Variants in BRDT observed in about 807,000 individuals in gnomAD.
BRDT encodes bromodomain testis-specific protein.
A neutral mutation model predicts 113.9 loss-of-function variants in BRDT; 77 were observed. The ratio of observed to expected loss-of-function variants is 0.68; its 90% CI spans 0.56 to 0.82. BRDT has a LOEUF of 0.82. Among genes scored for constraint, BRDT ranks in the 40% least tolerant of loss-of-function variants. BRDT has a pLI of 0.00. For synonymous variants in BRDT, 358 were observed against 366.5 expected, an observed-to-expected ratio of 0.98 and a Z score of 0.26; for missense variants, 1,027 against 1,105.4, an observed-to-expected ratio of 0.93 and a Z score of 1.01.
chr1:91,993,960 AAAT>A, intron 14 of BRDT, 120 bp from the exon 15 acceptor site: 1 of 814,690 alleles, frequency 1.2e-6, no homozygotes, highest in East Asian at 3.0e-5. Context: ...TGTGTGACTT[AAAT>A]AATAAGGTAT....
At chr1:91,994,305 C>CTA in intron 15 of BRDT, 51 bp downstream of exon 15, 1 of 1,378,416 alleles carries the variant, frequency 7.3e-7, no homozygotes, top group Non-Finnish European at 9.9e-7. Flanking sequence ...ACTTCTAAAC[C>CTA]TATACATATA....
At chr1:91,969,973 C>T (rs752892371) in intron 4 of BRDT, among the ~76,000 whole-genome samples, 5 of 151,688 alleles carry the variant, frequency 3.3e-5, no homozygotes, top group African/African-American at 7.3e-5. Context: ...GGATTACAGG[C>T]GCATGCCACC....
intron 8 of BRDT, among the ~76,000 whole-genome samples, chr1:91,980,150 T>C (rs973690731): frequency 6.6e-6 from 1 of 152,184 alleles, no homozygotes; most frequent in Non-Finnish European, 1.5e-5. Flanking sequence ...CTCACGCCTG[T>C]AACCCCAACA....
In BRDT at chr1:91,962,961, A is replaced by C. The variant is rs201337329; in HGVS notation, c.192+15A>C. 37 of 1,511,018 alleles carry C rather than the reference A, an allele frequency of 2.4e-5. No individual in the cohort carries two copies. Among genetic ancestry groups the C allele is most frequent in the Non-Finnish European group, 2.9e-5 (33 of 1,129,260 alleles). 93.6% of individuals were successfully genotyped at this position (1,511,018 alleles called of 1,614,324 possible). A position where few individuals can be genotyped will look rare whatever the true frequency, so the allele number is the denominator to read the frequency against. On this transcript the variant is annotated intron_variant, in intron 2 of 18. Transcript: ENST00000399546. Reference sequence around the variant, plus strand: ...TACAGTTGCCTGTATGTATGTCTTCAACTATGTTAGTTTCAAAAAAAGAAA... The same window carrying C: ...TACAGTTGCCTGTATGTATGTCTTCCACTATGTTAGTTTCAAAAAAAGAAA...
At position 91,980,899 on chromosome 1, in the gene BRDT, AAAAGG is replaced by A; in HGVS notation, c.1475_1479del (p.Arg492ThrfsTer9). On this transcript the variant is annotated frameshift_variant, in exon 10 of 19. Coordinates refer to ENST00000399546, the MANE Select transcript of BRDT (RefSeq NM_207189.4). LOFTEE classifies it high-confidence loss of function. The stretch of plus-strand genomic sequence containing the variant: ...TAGTTTTTGTTACAGTCAGCCAAAG[AAAAGG>A]AAACAACAGTTCATTGGTCTAAAAT... 1 of 1,601,246 alleles carries A rather than the reference AAAAGG, an allele frequency of 6.2e-7. No homozygotes were observed. The highest frequency in any genetic ancestry group is 8.5e-7 in the Non-Finnish European group (1 of 1,176,224).
At chr1:91,978,868 G>A (rs1684409658) in intron 7 of BRDT, among the ~76,000 whole-genome samples, 1 of 151,710 alleles carries the variant, frequency 6.6e-6, no homozygotes, top group South Asian at 2.1e-4. Flanking sequence ...CAGGCATGGT[G>A]GCGCCTGTAG....
At chr1:91,979,087 G>A (rs1684463572) in intron 7 of BRDT, among the ~76,000 whole-genome samples, 1 of 150,138 alleles carries the variant, frequency 6.7e-6, no homozygotes, top group Non-Finnish European at 1.5e-5. Context: ...AGAAAAGTTG[G>A]TAAGTTTGGC....
At chr1:91,955,385 C>CAG (rs1192164654) in intron 1 of BRDT, among the ~76,000 whole-genome samples, 2 of 151,912 alleles carry the variant, frequency 1.3e-5, no homozygotes, top group Non-Finnish European at 2.9e-5. Flanking sequence ...ACCCGGGAGG[C>CAG]AGAGGTTGCA....
chr1:91,952,777 CAAAAAAAAAAA>C (rs66618367), intron 1 of BRDT, among the ~76,000 whole-genome samples: 1 of 74,878 alleles, frequency 1.3e-5, no homozygotes, highest in Admixed American at 1.8e-4. Flanking sequence ...GACCCATCTC[CAAAAAAAAAAA>C]AAAAAAAAAA....
Position 91,968,155 on chromosome 1 carries a change from G to GA in BRDT, c.341dup (p.Asp114GlufsTer30), listed in dbSNP as rs754364560. On this transcript the variant is annotated frameshift_variant, in exon 4 of 19. Coordinates refer to ENST00000399546, the MANE Select transcript of BRDT (RefSeq NM_207189.4). LOFTEE classifies it high-confidence loss of function. ...TTAATATATTTTGTAGCCTGGAGAT[G>GA]ACATTGTTCTTATGGCACAAGCTCT... The GA allele has an allele frequency of 3.1e-6, 5 of 1,613,846 alleles. No individual in the cohort carries two copies. The highest frequency in any genetic ancestry group is 4.2e-6 in the Non-Finnish European group (5 of 1,179,890).
At chr1:91,963,337 T>A (rs1041765365) in intron 2 of BRDT, among the ~76,000 whole-genome samples, 3 of 152,114 alleles carry the variant, frequency 2.0e-5, no homozygotes, top group Non-Finnish European at 4.4e-5. Flanking sequence ...ATAAAAAAAA[T>A]TTAACAACTG....
At chr1:91,997,640 C>T (rs1242274962) in intron 15 of BRDT, among the ~76,000 whole-genome samples, 2 of 152,096 alleles carry the variant, frequency 1.3e-5, no homozygotes, top group Non-Finnish European at 2.9e-5. Flanking sequence ...CTTTTAATAC[C>T]TACACCTTCA....
At chr1:92,007,797 C>T (rs930268121) in intron 18 of BRDT, among the ~76,000 whole-genome samples, 1 of 152,196 alleles carries the variant, frequency 6.6e-6, no homozygotes, top group Non-Finnish European at 1.5e-5. Flanking sequence ...TGCTTAAATA[C>T]TGATAATATC....
chr1:91,986,627 T>G (rs1685264802), intron 12 of BRDT, among the ~76,000 whole-genome samples: 1 of 152,230 alleles, frequency 6.6e-6, no homozygotes, highest in South Asian at 2.1e-4. Context: ...TTATAAGTTC[T>G]TTAAATAACA....
intron 4 of BRDT, among the ~76,000 whole-genome samples, chr1:91,974,008 C>CAA (rs1305634532): frequency 6.6e-6 from 1 of 152,146 alleles, no homozygotes; most frequent in African/African-American, 2.4e-5. Flanking sequence ...TGATCTTTGA[C>CAA]AAACCTGACA....
rs369332056 is a variant in BRDT at position 91,981,164 on chromosome 1, C to G, written c.1736C>G (p.Pro579Arg). The change falls in exon 10 of 19, where the codon CCA becomes CGA. Residue 579 changes from proline (P) to arginine (R), a missense_variant. Pro to Arg is a moderately radical substitution (Grantham distance 103). Coordinates refer to ENST00000399546, the MANE Select transcript of BRDT (RefSeq NM_207189.4). Reference sequence around the variant, plus strand: ...GTTTCGGCATGTCTAAGAAAGAGACCATTAAAACCTCCTGGTATGTATTTC... The same window carrying G: ...GTTTCGGCATGTCTAAGAAAGAGACGATTAAAACCTCCTGGTATGTATTTC... ...KYVSACLRKR[P>R]LKPPAKKIMM... 1 of 1,608,888 alleles carries G rather than the reference C, an allele frequency of 6.2e-7. No individual in the cohort carries two copies. The highest frequency in any genetic ancestry group is 8.5e-7 in the Non-Finnish European group (1 of 1,178,542).
intron 1 of BRDT, among the ~76,000 whole-genome samples, chr1:91,954,347 A>G (rs951741982): frequency 5.2e-5 from 7 of 135,280 alleles, no homozygotes; most frequent in Non-Finnish European, 9.1e-5. Context: ...TGGTGCAATC[A>G]TGGCTCACTG....
chr1:91,967,546 G>A (rs1388522380), intron 3 of BRDT, among the ~76,000 whole-genome samples: 2 of 152,046 alleles, frequency 1.3e-5, no homozygotes, highest in Non-Finnish European at 2.9e-5. Flanking sequence ...TTACAGGCAC[G>A]CACCACCACG....
In BRDT at chr1:91,991,219, G is replaced by T. The variant is rs1298671999; in HGVS notation, c.2038G>T (p.Asp680Tyr). The T allele has an allele frequency of 1.9e-6, 3 of 1,550,568 alleles. No homozygotes were observed. Among genetic ancestry groups the T allele is most frequent in the African/African-American group, 1.4e-5 (1 of 72,992 alleles). Residue 680 changes from aspartate (D) to tyrosine (Y), a missense_variant, in exon 13 of 19, where the codon GAT becomes TAT. Physicochemically the swap from Asp to Tyr is radical, Grantham distance 160. Coordinates refer to ENST00000399546, the MANE Select transcript of BRDT (RefSeq NM_207189.4). ...FPKFTEVKPN[D>Y]SPSKENVKKM... ...TAAGTTTACAGAAGTAAAACCAAATGATTCTCCTTCTAAAGAGAATGTAAA... is the reference window on the plus strand; with the variant it reads ...TAAGTTTACAGAAGTAAAACCAAATTATTCTCCTTCTAAAGAGAATGTAAA...
Sources: allele counts gnomAD v4.1 joint callset (sites outside exome capture counted in the v4.1 genomes callset), GRCh38; gene constraint gnomAD v4.1.1; transcripts MANE v1.5; gene names NCBI Gene and HGNC (gene_info 2026-07-23, HGNC 2026-07-21).